The following ANKRD18A variants were observed in gnomAD, a reference collection of about 807,000 sequenced individuals.
ANKRD18A encodes the protein ankyrin repeat domain-containing protein 18A.
ANKRD18A carries 72 observed loss-of-function variants against 110.6 expected under a neutral mutation model. The observed-to-expected ratio is 0.65, with a 90% CI of 0.54 to 0.79. The LOEUF (loss-of-function observed/expected upper bound fraction) is 0.79. Among genes scored for constraint, ANKRD18A ranks in the 30% least tolerant of loss-of-function variants. The pLI, the probability that ANKRD18A is intolerant of heterozygous loss-of-function variation, is 0.00. For synonymous variants in ANKRD18A, 305 were observed against 410.3 expected (o/e 0.74, Z 3.10); for missense variants, 934 against 1,163.3 (o/e 0.80, Z 2.87).
chr9:38,598,869 G>A (rs1825001618), intron 8 of ANKRD18A, among the ~76,000 whole-genome samples: 1 of 152,240 alleles, frequency 6.6e-6, no homozygotes, highest in East Asian at 1.9e-4. Flanking sequence ...CTTTCTATTC[G>A]TATCACATGC....
intron 3 of ANKRD18A, among the ~76,000 whole-genome samples, chr9:38,613,172 C>T (rs1358104310): frequency 6.6e-6 from 1 of 151,790 alleles, no homozygotes; most frequent in African/African-American, 2.4e-5. Flanking sequence ...CAGGTGGGCA[C>T]AGTAGCAAAC....
At chr9:38,576,785 TG>T (rs969468446) in intron 14 of ANKRD18A, among the ~76,000 whole-genome samples, 19 of 151,932 alleles carry the variant, frequency 1.3e-4, no homozygotes, top group Admixed American at 1.1e-3. Context: ...AAATACTTAG[TG>T]AAAAAAACTA....
chr9:38,590,201 T>C (rs1331638761), intron 10 of ANKRD18A, among the ~76,000 whole-genome samples: 5 of 151,680 alleles, frequency 3.3e-5, no homozygotes, highest in African/African-American at 1.2e-4. Context: ...CTCTCTCTCC[T>C]CTCTCTCTTT....
chr9:38,585,874 C>T (rs1027268804), intron 12 of ANKRD18A, among the ~76,000 whole-genome samples: 26 of 152,212 alleles, frequency 1.7e-4, no homozygotes, highest in African/African-American at 6.0e-4. Context: ...TGGATGAACT[C>T]GGAGCTGTTA....
At chr9:38,618,316 T>C (rs577891094) in intron 1 of ANKRD18A, among the ~76,000 whole-genome samples, 1 of 152,346 alleles carries the variant, frequency 6.6e-6, no homozygotes, top group African/African-American at 2.4e-5. Context: ...TTGTGCATAG[T>C]ATTGCCTAAC....
intron 6 of ANKRD18A, among the ~76,000 whole-genome samples, chr9:38,604,669 G>T (rs1481998647): frequency 1.3e-5 from 2 of 151,190 alleles, no homozygotes; most frequent in African/African-American, 4.9e-5. Context: ...GTCTTTTATT[G>T]AACTTGTATC....
chr9:38,597,058 T>C (rs1019276442), intron 8 of ANKRD18A, among the ~76,000 whole-genome samples: 4 of 152,180 alleles, frequency 2.6e-5, no homozygotes, highest in African/African-American at 9.6e-5. Context: ...CTGACTCTAC[T>C]TCTAGTTCTC....
chr9:38,610,627 C>T (rs1275477593), intron 4 of ANKRD18A, among the ~76,000 whole-genome samples: 2 of 152,142 alleles, frequency 1.3e-5, no homozygotes, highest in East Asian at 1.9e-4. Context: ...AAGCAAACTT[C>T]GTGTCCCATT....
At chr9:38,571,357 C>G (rs551613663), downstream of ANKRD18A, 5 of 808,376 alleles carry the variant, frequency 6.2e-6, no homozygotes, top group East Asian at 1.6e-4. Context: ...GAATCATGAG[C>G]TTTCCCTTCT....
At chr9:38,606,661 A>G (rs1351838618) in intron 6 of ANKRD18A, among the ~76,000 whole-genome samples, 1 of 152,188 alleles carries the variant, frequency 6.6e-6, no homozygotes, top group African/African-American at 2.4e-5. Flanking sequence ...TCAGATTTTC[A>G]ACTCCACAGG....
intron 12 of ANKRD18A, among the ~76,000 whole-genome samples, chr9:38,579,868 C>T (rs1824077465): frequency 6.6e-6 from 1 of 152,210 alleles, no homozygotes; most frequent in African/African-American, 2.4e-5. Context: ...CACAAGGATA[C>T]TTGTCCTCAT....
intron 4 of ANKRD18A, among the ~76,000 whole-genome samples, chr9:38,610,905 A>G (rs1825591907): frequency 6.6e-6 from 1 of 150,950 alleles, no homozygotes; most frequent in Admixed American, 6.6e-5. Flanking sequence ...TTGTAAACTG[A>G]AAGTTAAAGT....
chr9:38,614,928 T>G (rs777700804), intron 3 of ANKRD18A, among the ~76,000 whole-genome samples: 5 of 152,192 alleles, frequency 3.3e-5, no homozygotes, highest in Non-Finnish European at 5.9e-5. Flanking sequence ...TCACCGTATA[T>G]TCACTGCCAA....
chr9:38,588,896 G>A (rs1158403773), intron 10 of ANKRD18A, among the ~76,000 whole-genome samples: 1 of 152,138 alleles, frequency 6.6e-6, no homozygotes, highest in Non-Finnish European at 1.5e-5. Flanking sequence ...TGCCAAAAAT[G>A]TTTGTTAAAA....
At chr9:38,618,423 C>G (rs1183001702) in intron 1 of ANKRD18A, among the ~76,000 whole-genome samples, 2 of 152,198 alleles carry the variant, frequency 1.3e-5, no homozygotes, top group African/African-American at 4.8e-5. Flanking sequence ...CAACATACTT[C>G]TCCACCTATT....
chr9:38,590,280 T>C (rs1824589105), intron 10 of ANKRD18A, among the ~76,000 whole-genome samples: 6 of 151,822 alleles, frequency 4.0e-5, no homozygotes, highest in African/African-American at 1.2e-4. Flanking sequence ...TTTTTTGAGA[T>C]GGAGTCACAC....
chr9:38,571,137 A>G, downstream of ANKRD18A: 1 of 1,534,192 alleles, frequency 6.5e-7, no homozygotes. Context: ...TGGATGCGAC[A>G]GTGGTTCTTC....
At chr9:38,605,318 C>T (rs760854600) in intron 6 of ANKRD18A, among the ~76,000 whole-genome samples, 3 of 152,122 alleles carry the variant, frequency 2.0e-5, no homozygotes, top group East Asian at 3.9e-4. Flanking sequence ...TTCTTAAAAA[C>T]TCTGTTGAAA....
chr9:38,586,126 T>C (rs370497702), intron 12 of ANKRD18A, 57 bp downstream of exon 12: 2 of 1,469,300 alleles, frequency 1.4e-6, no homozygotes, highest in East Asian at 2.5e-5. Flanking sequence ...AACAAACCTG[T>C]ACCTCTTACA....
Sources: allele counts gnomAD v4.1 joint callset (sites outside exome capture counted in the v4.1 genomes callset), GRCh38; gene constraint gnomAD v4.1.1; transcripts MANE v1.5; gene names NCBI Gene and HGNC (gene_info 2026-07-23, HGNC 2026-07-21).